The following SMG9 variants were observed in gnomAD, a reference collection of about 807,000 sequenced individuals.
SMG9 encodes the protein nonsense-mediated mRNA decay factor SMG9.
Under a neutral mutation model 64.0 loss-of-function variants are expected in SMG9, and 55 were observed. That is an observed-to-expected ratio of 0.86 (90% confidence interval 0.69 to 1.08). SMG9 has a LOEUF of 1.08. SMG9 is among the 50% of genes least tolerant of loss of function. SMG9 has a pLI of 0.00. For synonymous variants in SMG9, 244 were observed against 254.8 expected (o/e 0.96, Z 0.41); for missense variants, 554 against 681.3 (o/e 0.81, Z 2.08).
chr19:43,741,864 T>A (rs1052945737), intron 6 of SMG9, among the ~76,000 whole-genome samples: 3 of 151,622 alleles, frequency 2.0e-5, no homozygotes, highest in African/African-American at 7.3e-5. Context: ...TAAAAAAAAA[T>A]ATTAAGGGCA....
chr19:43,732,026 A>G (rs1459153972), intron 13 of SMG9, among the ~76,000 whole-genome samples: 1 of 152,210 alleles, frequency 6.6e-6, no homozygotes, highest in African/African-American at 2.4e-5. Flanking sequence ...AACATCTAAC[A>G]GCAGCTGCAC....
intron 6 of SMG9, among the ~76,000 whole-genome samples, chr19:43,742,492 T>G (rs1242946432): frequency 6.6e-6 from 1 of 152,234 alleles, no homozygotes; most frequent in Non-Finnish European, 1.5e-5. Flanking sequence ...ATTACCTCCC[T>G]ATAACCCTTT....
In SMG9 at chr19:43,738,017, T is replaced by C. The variant is rs346529; in HGVS notation, c.909+105A>G. ...GCCCTTGGGGCAGCCAGGGCTCTTC[T>C]GAAGCAGAAACTAAGTGGACCACCC... On this transcript the variant is annotated intron_variant, in intron 8 of 13. Transcript: ENST00000270066. 4.6e-3 allele frequency: 5,206 copies of C among 1,125,470 alleles called. 170 individuals carry two copies. In the African/African-American group the frequency reaches 0.071, roughly 15 times the overall value. The allele number at this position is 1,125,470 out of a possible 1,614,324, so 69.7% of individuals were successfully genotyped here. A position where few individuals can be genotyped will look rare whatever the true frequency, so the allele number is the denominator to read the frequency against.
Position 43,731,465 on chromosome 19 carries a change from C to T in SMG9, c.*131G>A, listed in dbSNP as rs962932383. 23 of 1,494,512 alleles carry T rather than the reference C, an allele frequency of 1.5e-5. No homozygotes were observed. The highest frequency in any genetic ancestry group is 1.1e-4 in the African/African-American group (8 of 71,554). The allele number at this position is 1,494,512 out of a possible 1,614,324, so 92.6% of individuals were successfully genotyped here. A position where few individuals can be genotyped will look rare whatever the true frequency, so the allele number is the denominator to read the frequency against. On this transcript the variant is annotated 3_prime_UTR_variant, in exon 14 of 14. Coordinates refer to ENST00000270066, the MANE Select transcript of SMG9 (RefSeq NM_019108.4). ...CCCTGGACACCTCATGTCTCTGGGC[C>T]GGGAAGCCACGATCCCTCATCCATC...
At position 43,753,493 on chromosome 19, in the gene SMG9, C is replaced by T. The variant is rs369899489; in HGVS notation, c.-7+1161G>A. ...TTTTTTTTTTTTTGAGACGGTCTTG[C>T]TCTGTTGCCCAGGCTGGAGTGCAGT... On this transcript the variant is annotated intron_variant, in intron 1 of 13. Coordinates refer to ENST00000270066, the MANE Select transcript of SMG9 (RefSeq NM_019108.4). Among the ~76,000 whole-genome samples the T allele has an allele frequency of 6.0e-5, 8 of 132,688 alleles. No individual in the cohort carries two copies. The South Asian group carries it at 1.7e-3, about 29-fold the overall frequency. The allele number at this position is 132,688 out of a possible 152,430, so 87.0% of individuals were successfully genotyped here.
intron 2 of SMG9, 134 bp downstream of exon 2, chr19:43,750,458 C>T: frequency 2.8e-6 from 3 of 1,059,910 alleles, no homozygotes; most frequent in Admixed American, 2.5e-5. Flanking sequence ...TATCACTCTC[C>T]ACCTTCTTTA....
rs1049092613 is a variant in SMG9 at position 43,739,952 on chromosome 19, CAAGAA to C, written c.813+150_813+154del. On this transcript the variant is annotated intron_variant, in intron 7 of 13. Transcript: ENST00000270066. ...GCAAAAGTGACAAGAGACTAAGGGC[CAAGAA>C]AAGACACAATTTGCCCCAGGGCAGC... 45 of 637,040 alleles carry C rather than the reference CAAGAA, an allele frequency of 7.1e-5. No homozygotes were observed. The African/African-American group carries it at 7.8e-4, about 11-fold the overall frequency. The allele number at this position is 637,040 out of a possible 1,614,324, so 39.5% of individuals were successfully genotyped here. A position where few individuals can be genotyped will look rare whatever the true frequency, so the allele number is the denominator to read the frequency against.
chr19:43,740,506 G>C (rs1968815612), intron 6 of SMG9, among the ~76,000 whole-genome samples: 1 of 152,148 alleles, frequency 6.6e-6, no homozygotes, highest in Admixed American at 6.5e-5. Flanking sequence ...TCAGATCCCA[G>C]CTCTGCCTCT....
At chr19:43,744,245 G>A (rs931318553) in intron 6 of SMG9, among the ~76,000 whole-genome samples, 1 of 152,320 alleles carries the variant, frequency 6.6e-6, no homozygotes, top group South Asian at 2.1e-4. Context: ...CAGTAGGACT[G>A]AGGCTGGTAC....
chr19:43,730,103 C>T lies in SMG9; in HGVS notation c.*1493G>A, dbSNP rs1968432634. On this transcript the variant is annotated 3_prime_UTR_variant, in exon 14 of 14. Transcript: ENST00000270066. ...CCCTGGATCCCCATGGTATGAAACACCAGGGCTGTATGGGATGCTTGAAAG... is the reference window on the plus strand; with the variant it reads ...CCCTGGATCCCCATGGTATGAAACATCAGGGCTGTATGGGATGCTTGAAAG... 1 of 152,166 alleles carries T rather than the reference C, an allele frequency of 6.6e-6. No individual in the cohort carries two copies. Among genetic ancestry groups the T allele is most frequent in the African/African-American group, 2.4e-5 (1 of 41,408 alleles). 9.4% of individuals were successfully genotyped at this position (152,166 alleles called of 1,614,324 possible).
rs766809160 is a variant in SMG9 at position 43,733,374 on chromosome 19, A to G, written c.1289T>C (p.Leu430Pro). ...DFLDSEVNLF[L>P]VPFMDSEAES... The stretch of plus-strand genomic sequence containing the variant: ...TGCTTCACTGTCCATGAAGGGTACC[A>G]GGAATAAGTTGACCTCAGAGTCCAG... Residue 430 changes from leucine (L) to proline (P), a missense_variant, in exon 12 of 14, where the codon CTG becomes CCG. Coordinates refer to ENST00000270066, the MANE Select transcript of SMG9 (RefSeq NM_019108.4). 6.2e-7 allele frequency: 1 copy of G among 1,614,144 alleles called. No homozygotes were observed. The highest frequency in any genetic ancestry group is 8.5e-7 in the Non-Finnish European group (1 of 1,180,034).
chr19:43,736,035 G>A (rs922320440), intron 9 of SMG9, among the ~76,000 whole-genome samples: 1 of 152,224 alleles, frequency 6.6e-6, no homozygotes, highest in Admixed American at 6.5e-5. Context: ...AGGTGTTTCA[G>A]AATGAAGTCA....
chr19:43,751,724 T>C (rs1286283061), intron 1 of SMG9, among the ~76,000 whole-genome samples: 1 of 152,150 alleles, frequency 6.6e-6, no homozygotes, highest in Non-Finnish European at 1.5e-5. Flanking sequence ...GACAGGAATG[T>C]GGGTGTGGAG....
intron 5 of SMG9, among the ~76,000 whole-genome samples, chr19:43,746,351 C>T (rs1471912716): frequency 6.6e-6 from 1 of 152,204 alleles, no homozygotes; most frequent in Non-Finnish European, 1.5e-5. Flanking sequence ...ATTTCAAGTG[C>T]TCTAAAGCCA....
chr19:43,753,932 AAC>A (rs148111850), intron 1 of SMG9, among the ~76,000 whole-genome samples: 41,405 of 148,988 alleles, frequency 0.28, 5,945 homozygotes, highest in African/African-American at 0.38. Context: ...AAAAAAAAAA[AAC>A]CCCACCCACA....
At chr19:43,739,830 C>T (rs1968789364) in intron 7 of SMG9, 2 of 433,438 alleles carry the variant, frequency 4.6e-6, no homozygotes, top group South Asian at 5.1e-5. Context: ...TAAGAACTAA[C>T]AGACAGGATC....
rs139788345 is a variant in SMG9 at position 43,742,802 on chromosome 19, G to C, written c.701+1970C>G. Among the ~76,000 whole-genome samples, 521 of 152,146 alleles carry C rather than the reference G, an allele frequency of 3.4e-3. 3 individuals carry two copies. The highest frequency in any genetic ancestry group is 0.012 in the African/African-American group (511 of 41,506). On this transcript the variant is annotated intron_variant, in intron 6 of 13. Transcript: ENST00000270066. ...AACAGATGAATTAGAAAGAGAATTA[G>C]CAGGAAGGCCAGGCACGGTGGCTCA...
rs748129037 is a variant in SMG9, at chr19:43,733,441, T to C, written c.1222A>G (p.Met408Val). ...CCCGGGAAGACATTGCATTGTAACA[T>C]GGACAGAGTTCCTGGAGGAGAAAAC... The part of the protein sequence containing the change: ...SHLRYKGTLS[M>V]LQCNVFPGLP... Residue 408 changes from methionine (M) to valine (V), a missense_variant, in exon 12 of 14, where the codon ATG becomes GTG. Coordinates refer to ENST00000270066, the MANE Select transcript of SMG9 (RefSeq NM_019108.4). 6.2e-6 allele frequency: 10 copies of C among 1,614,034 alleles called. No homozygotes were observed. Among genetic ancestry groups the C allele is most frequent in the South Asian group, 2.2e-5 (2 of 91,076 alleles).
chr19:43,750,779 C>G (rs1361243677), intron 1 of SMG9, 32 bp from the exon 2 acceptor site: 13 of 1,581,228 alleles, frequency 8.2e-6, no homozygotes, highest in Non-Finnish European at 1.1e-5. Context: ...TTCAGGATGA[C>G]AGAGTCTCTT....
Sources: allele counts gnomAD v4.1 joint callset (sites outside exome capture counted in the v4.1 genomes callset), GRCh38; gene constraint gnomAD v4.1.1; transcripts MANE v1.5; gene names NCBI Gene and HGNC (gene_info 2026-07-23, HGNC 2026-07-21).